GNAI1: variants seen among roughly 807,000 people sequenced by gnomAD.
The protein encoded by GNAI1 is guanine nucleotide-binding protein G(i) subunit alpha-1.
GNAI1 carries 11 observed loss-of-function variants against 38.9 expected under a neutral mutation model. That is an observed-to-expected ratio of 0.28 (90% CI 0.18 to 0.47). The LOEUF is 0.47. Among genes scored for constraint, GNAI1 ranks in the 20% least tolerant of loss-of-function variants. GNAI1 has a pLI of 0.99. For missense variants in GNAI1, 317 were observed against 436.9 expected, an observed-to-expected ratio of 0.73 and a Z score of 2.45; for synonymous variants, 166 against 145.1, an observed-to-expected ratio of 1.14 and a Z score of -1.04.
chr7:80,196,751 G>A (rs898912578), intron 3 of GNAI1, among the ~76,000 whole-genome samples: 1 of 151,674 alleles, frequency 6.6e-6, no homozygotes, highest in Non-Finnish European at 1.5e-5. Flanking sequence ...TGAATGTCCT[G>A]GTAATGATGT....
In GNAI1 at chr7:80,135,220, C is replaced by T. The variant is rs767309821; in HGVS notation, c.60C>T (p.Asp20=). ...KAAVERSKMI[D]RNLREDGEKA... ...CGGTGGAGCGGAGTAAGATGATCGA[C>T]CGCAACCTCCGTGAGGACGGCGAGA... Residue 20 remains aspartate (D), a synonymous_variant, in exon 1 of 8, where the codon GAC becomes GAT. Transcript: ENST00000649796. The T allele has an allele frequency of 2.0e-5, 31 of 1,554,932 alleles. No individual in the cohort carries two copies. The South Asian group carries it at 3.3e-4, about 17-fold the overall frequency.
At chr7:80,166,275 CAT>C (rs1011571508) in intron 1 of GNAI1, among the ~76,000 whole-genome samples, 7 of 152,066 alleles carry the variant, frequency 4.6e-5, no homozygotes, top group Non-Finnish European at 8.8e-5. Context: ...GTATTGGAAA[CAT>C]AGGTAGAAAC....
rs533371119 is a variant in GNAI1 at position 80,186,023 on chromosome 7, C to CTT, written c.119-2902_119-2901dup. Among the ~76,000 whole-genome samples the CTT allele has an allele frequency of 6.1e-3, 629 of 103,460 alleles. 93 individuals carry two copies. Among genetic ancestry groups the CTT allele is most frequent in the South Asian group, 7.3e-3 (22 of 3,008 alleles). 67.9% of individuals were successfully genotyped at this position (103,460 alleles called of 152,430 possible). A position where few individuals can be genotyped will look rare whatever the true frequency, so the allele number is the denominator to read the frequency against. On this transcript the variant is annotated intron_variant, in intron 1 of 7. Coordinates refer to ENST00000649796, the MANE Select transcript of GNAI1 (RefSeq NM_002069.6). ...AGTTAATAAGACTGCCATCCGCACT[C>CTT]TTTTTTTTTTTTTTTTTTTTTTTTT...
chr7:80,200,774 A>T (rs560479328), intron 4 of GNAI1, among the ~76,000 whole-genome samples: 1 of 144,320 alleles, frequency 6.9e-6, no homozygotes, highest in South Asian at 2.1e-4. Flanking sequence ...TTACACTTGT[A>T]TTAACCATAT....
intron 1 of GNAI1, among the ~76,000 whole-genome samples, chr7:80,174,880 G>A (rs141150435): frequency 0.02 from 2,974 of 152,196 alleles, 51 homozygotes; most frequent in Non-Finnish European, 0.032. Flanking sequence ...TCACTACTGT[G>A]CACCTGTAAT....
chr7:80,157,613 T>G (rs1787840665), intron 1 of GNAI1, among the ~76,000 whole-genome samples: 1 of 152,202 alleles, frequency 6.6e-6, no homozygotes, highest in Admixed American at 6.5e-5. Context: ...GTTGTGTCAG[T>G]GTTCTGGATT....
Position 80,219,325 on chromosome 7 carries a change from C to T in GNAI1, c.*1832C>T, listed in dbSNP as rs535850982. ...GCCACAAAGAAGCACATATTGGTGA[C>T]CATCATTAATGAAATCCTGAACTTT... On this transcript the variant is annotated 3_prime_UTR_variant, in exon 8 of 8. Coordinates refer to ENST00000649796, the MANE Select transcript of GNAI1 (RefSeq NM_002069.6). 1.2e-4 allele frequency: 19 copies of T among 152,522 alleles called. No homozygotes were observed. Among genetic ancestry groups the T allele is most frequent in the Admixed American group, 9.2e-4 (14 of 15,272 alleles). 9.4% of individuals were successfully genotyped at this position (152,522 alleles called of 1,614,324 possible).
intron 1 of GNAI1, among the ~76,000 whole-genome samples, chr7:80,165,306 G>A (rs757417803): frequency 7.9e-5 from 12 of 152,242 alleles, no homozygotes; most frequent in African/African-American, 2.6e-4. Flanking sequence ...TTCTTGCTCA[G>A]TGACTTTGTC....
chr7:80,154,093 T>C (rs1295028766), intron 1 of GNAI1, among the ~76,000 whole-genome samples: 2 of 152,078 alleles, frequency 1.3e-5, no homozygotes, highest in African/African-American at 4.8e-5. Context: ...CAGCTAAATT[T>C]TGTATTTTTT....
chr7:80,216,960 G>A (rs1039746929), intron 7 of GNAI1, among the ~76,000 whole-genome samples: 2 of 152,082 alleles, frequency 1.3e-5, no homozygotes, highest in Non-Finnish European at 2.9e-5. Flanking sequence ...GCATGCCGTC[G>A]TCAAGCATCT....
intron 5 of GNAI1, among the ~76,000 whole-genome samples, chr7:80,208,614 C>CT (rs1440496814): frequency 6.6e-6 from 1 of 152,174 alleles, no homozygotes; most frequent in African/African-American, 2.4e-5. Flanking sequence ...AGCTTAGACT[C>CT]TGAGTTCTTT....
chr7:80,169,834 C>G (rs769789735), intron 1 of GNAI1, among the ~76,000 whole-genome samples: 6 of 152,136 alleles, frequency 3.9e-5, no homozygotes, highest in Non-Finnish European at 8.8e-5. Flanking sequence ...CTTCTCATTT[C>G]CCACAAAACC....
intron 1 of GNAI1, among the ~76,000 whole-genome samples, chr7:80,152,029 G>A (rs1244194483): frequency 1.3e-5 from 2 of 152,020 alleles, no homozygotes; most frequent in African/African-American, 2.4e-5. Flanking sequence ...CTCCTTTCAC[G>A]GCCTCTTTTC....
intron 7 of GNAI1, among the ~76,000 whole-genome samples, chr7:80,213,574 G>T (rs1788908675): frequency 6.6e-6 from 1 of 152,016 alleles, no homozygotes; most frequent in African/African-American, 2.4e-5. Context: ...TAGTTCCTTG[G>T]AGCACCTCCT....
At chr7:80,175,871 TA>T (rs1163429216) in intron 1 of GNAI1, among the ~76,000 whole-genome samples, 2 of 152,188 alleles carry the variant, frequency 1.3e-5, no homozygotes, top group African/African-American at 4.8e-5. Flanking sequence ...GACACAGGAA[TA>T]TTGAAATTAG....
At chr7:80,184,122 A>C (rs1158357459) in intron 1 of GNAI1, among the ~76,000 whole-genome samples, 1 of 152,172 alleles carries the variant, frequency 6.6e-6, no homozygotes, top group Non-Finnish European at 1.5e-5. Context: ...CCAGTAGCGA[A>C]TCTGATGCAT....
intron 1 of GNAI1, among the ~76,000 whole-genome samples, chr7:80,143,848 T>G (rs1341972630): frequency 6.6e-6 from 1 of 152,148 alleles, no homozygotes; most frequent in Non-Finnish European, 1.5e-5. Flanking sequence ...CCTTGCAGTT[T>G]CATCCATTTG....
chr7:80,160,846 G>A (rs904952965), intron 1 of GNAI1, among the ~76,000 whole-genome samples: 6 of 151,676 alleles, frequency 4.0e-5, no homozygotes, highest in African/African-American at 1.5e-4. Flanking sequence ...CCATTATTTG[G>A]TGCTAGTTCT....
At chr7:80,214,525 T>G (rs2115718090) in intron 7 of GNAI1, among the ~76,000 whole-genome samples, 1 of 152,338 alleles carries the variant, frequency 6.6e-6, no homozygotes, top group African/African-American at 2.4e-5. Flanking sequence ...GAATTTTTGC[T>G]TGTGTTTTGC....
Sources: gnomAD v4.1 joint callset for allele counts (sites outside exome capture counted in the v4.1 genomes callset) on GRCh38, gnomAD v4.1.1 for gene constraint, MANE v1.5 for transcripts, NCBI Gene and HGNC (gene_info 2026-07-23, HGNC 2026-07-21) for gene names.